DPYD: variants seen among roughly 807,000 people sequenced by gnomAD.
DPYD encodes dihydropyrimidine dehydrogenase.
Under a neutral mutation model 116.2 loss-of-function variants are expected in DPYD, and 109 were observed. The observed-to-expected ratio is 0.94, with a 90% CI of 0.80 to 1.10. The LOEUF (loss-of-function observed/expected upper bound fraction) is 1.10. Among genes scored for constraint, DPYD ranks in the 50% least tolerant of loss-of-function variants. The pLI is 0.00. For missense variants in DPYD, 1,302 were observed against 1,254.5 expected (o/e 1.04, Z -0.57); for synonymous variants, 440 against 432.0 (o/e 1.02, Z -0.23).
chr1:97,388,176 A>T (rs1442987409), intron 14 of DPYD, among the ~76,000 whole-genome samples: 1 of 152,134 alleles, frequency 6.6e-6, no homozygotes. Flanking sequence ...GGCTTGAACT[A>T]CTGAACTGTG....
chr1:97,579,743 C>A (rs1233338005), intron 10 of DPYD, among the ~76,000 whole-genome samples: 3 of 152,196 alleles, frequency 2.0e-5, no homozygotes, highest in African/African-American at 7.2e-5. Flanking sequence ...TGAGGGACAA[C>A]TGGTTTATCA....
intron 19 of DPYD, among the ~76,000 whole-genome samples, chr1:97,216,944 A>C (rs1344809657): frequency 6.6e-6 from 1 of 152,062 alleles, no homozygotes; most frequent in Non-Finnish European, 1.5e-5. Flanking sequence ...ACCGTGGCTC[A>C]TGCCTGTAAT....
rs947033404 is a variant in DPYD at position 97,576,280 on chromosome 1, C to T, written c.1129-2310G>A. Among the ~76,000 whole-genome samples, 7 of 152,078 alleles carry T rather than the reference C, an allele frequency of 4.6e-5. No individual in the cohort carries two copies. In the East Asian group the frequency reaches 1.2e-3, roughly 25 times the overall value. ...GCCACACTTGACTGAATAACAACTC[C>T]AAATGTTTATGGTTTGAATAAATCA... On this transcript the variant is annotated intron_variant, in intron 10 of 22. Transcript: ENST00000370192.
chr1:97,646,679 T>G (rs1442590835), intron 8 of DPYD, among the ~76,000 whole-genome samples: 1 of 152,138 alleles, frequency 6.6e-6, no homozygotes, highest in Non-Finnish European at 1.5e-5. Flanking sequence ...TTCTGTAGTA[T>G]TTTTCTTTTA....
chr1:97,214,569 G>C (rs1388792465), intron 19 of DPYD, among the ~76,000 whole-genome samples: 1 of 152,216 alleles, frequency 6.6e-6, no homozygotes. Context: ...AAACCACAGG[G>C]TGTTGAAGAA....
chr1:97,331,381 G>A (rs929710152), intron 16 of DPYD, among the ~76,000 whole-genome samples: 22 of 152,130 alleles, frequency 1.4e-4, no homozygotes, highest in South Asian at 6.2e-4. Flanking sequence ...GGGAGGATGC[G>A]GCAGGAGGCT....
intron 10 of DPYD, among the ~76,000 whole-genome samples, chr1:97,591,863 C>T (rs1323176746): frequency 1.3e-5 from 2 of 150,508 alleles, no homozygotes; most frequent in African/African-American, 2.4e-5. Context: ...ACCATGATTA[C>T]ACTAATTATT....
intron 1 of DPYD, 43 bp downstream of exon 1, chr1:97,920,841 C>G: frequency 6.4e-7 from 1 of 1,571,010 alleles, no homozygotes; most frequent in Non-Finnish European, 8.6e-7. Context: ...AGAGCACTCC[C>G]CACCACCCCG....
At chr1:97,356,127 C>A (rs1670415063) in intron 16 of DPYD, among the ~76,000 whole-genome samples, 1 of 152,186 alleles carries the variant, frequency 6.6e-6, no homozygotes, top group African/African-American at 2.4e-5. Flanking sequence ...GCCATTCTGA[C>A]AGGTGTGAGT....
intron 8 of DPYD, among the ~76,000 whole-genome samples, chr1:97,664,662 C>G (rs1482877614): frequency 6.6e-6 from 1 of 152,046 alleles, no homozygotes; most frequent in Non-Finnish European, 1.5e-5. Flanking sequence ...CCTTTAACCT[C>G]TTTAGGGAAT....
intron 20 of DPYD, among the ~76,000 whole-genome samples, chr1:97,131,770 A>G (rs1205165619): frequency 2.0e-5 from 3 of 152,176 alleles, no homozygotes; most frequent in East Asian, 3.9e-4. Flanking sequence ...CAATACGCCA[A>G]GGCATCCAGG....
intron 19 of DPYD, among the ~76,000 whole-genome samples, chr1:97,204,583 A>G (rs1659464178): frequency 6.6e-6 from 1 of 152,144 alleles, no homozygotes; most frequent in East Asian, 1.9e-4. Context: ...TACCATCCAA[A>G]CTGTGACACT....
chr1:97,571,433 G>GAATT (rs1342204359), intron 11 of DPYD, among the ~76,000 whole-genome samples: 2 of 151,868 alleles, frequency 1.3e-5, no homozygotes, highest in African/African-American at 4.8e-5. Flanking sequence ...ATTTTAAACA[G>GAATT]AATTCTTAAC....
intron 14 of DPYD, among the ~76,000 whole-genome samples, chr1:97,389,864 C>CCA (rs1672590485): frequency 7.0e-6 from 1 of 142,536 alleles, no homozygotes; most frequent in Non-Finnish European, 1.5e-5. Context: ...GCTTATTTGG[C>CCA]AAAAAAAAAA....
chr1:97,406,496 G>A (rs1673664430), intron 14 of DPYD, among the ~76,000 whole-genome samples: 1 of 151,628 alleles, frequency 6.6e-6, no homozygotes, highest in South Asian at 2.1e-4. Context: ...GTGGTTTACT[G>A]CACCCATCAA....
chr1:97,571,539 G>T (rs1179563263), intron 11 of DPYD, among the ~76,000 whole-genome samples: 1 of 151,858 alleles, frequency 6.6e-6, no homozygotes, highest in East Asian at 1.9e-4. Context: ...AAGTGAGGTT[G>T]AAAAGGAGAA....
chr1:97,205,541 T>G lies in DPYD; in HGVS notation c.2443-12293A>C, dbSNP rs950635469. Reference sequence around the variant, plus strand: ...TTATCACAGTTTTTTTCAACTTTAGTAAGAACTTCATATATTTTAAAATAT... The same window carrying G: ...TTATCACAGTTTTTTTCAACTTTAGGAAGAACTTCATATATTTTAAAATAT... On this transcript the variant is annotated intron_variant, in intron 19 of 22. Coordinates refer to ENST00000370192, the MANE Select transcript of DPYD (RefSeq NM_000110.4). Among the ~76,000 whole-genome samples the G allele has an allele frequency of 7.2e-5, 11 of 152,294 alleles. No homozygotes were observed. The South Asian group carries it at 1.0e-3, about 14-fold the overall frequency.
At chr1:97,264,969 GT>G (rs1217703739) in intron 18 of DPYD, among the ~76,000 whole-genome samples, 1 of 150,410 alleles carries the variant, frequency 6.6e-6, no homozygotes. Flanking sequence ...AAACTTTATA[GT>G]TTTCAGTTAT....
At chr1:97,902,824 G>A (rs1184198333) in intron 1 of DPYD, among the ~76,000 whole-genome samples, 3 of 151,686 alleles carry the variant, frequency 2.0e-5, no homozygotes, top group Admixed American at 2.0e-4. Flanking sequence ...TTTCTTAAAT[G>A]GAGCATACCA....
Sources: gnomAD v4.1 joint callset for allele counts (sites outside exome capture counted in the v4.1 genomes callset) on GRCh38, gnomAD v4.1.1 for gene constraint, MANE v1.5 for transcripts, NCBI Gene and HGNC (gene_info 2026-07-23, HGNC 2026-07-21) for gene names.